Variants in RTN1 observed in about 807,000 individuals in gnomAD.
RTN1 encodes reticulon-1.
Under a neutral mutation model 65.5 loss-of-function variants are expected in RTN1, and 25 were observed. The observed-to-expected ratio is 0.38, with a 90% confidence interval of 0.28 to 0.53. The LOEUF (loss-of-function observed/expected upper bound fraction) is 0.53. Ranked by LOEUF, RTN1 falls within the 20% of genes least tolerant of loss-of-function variation. The probability of loss-of-function intolerance (pLI) is 0.79; values close to 1 mark genes in which losing one functional copy is unlikely to be tolerated. For synonymous variants in RTN1, 471 were observed against 447.6 expected, an observed-to-expected ratio of 1.05 and a Z score of -0.66; for missense variants, 983 against 1,025.4, an observed-to-expected ratio of 0.96 and a Z score of 0.57.
At chr14:59,622,752 C>G (rs1469224978) in intron 3 of RTN1, among the ~76,000 whole-genome samples, 1 of 152,182 alleles carries the variant, frequency 6.6e-6, no homozygotes, top group Non-Finnish European at 1.5e-5. Context: ...ATCTTCTAGT[C>G]ATGAGTTTCA....
At chr14:59,799,120 C>T (rs1886491962) in intron 1 of RTN1, among the ~76,000 whole-genome samples, 1 of 152,132 alleles carries the variant, frequency 6.6e-6, no homozygotes, top group South Asian at 2.1e-4. Context: ...TGATTCGCTA[C>T]ATGCAAGTTA....
intron 3 of RTN1, among the ~76,000 whole-genome samples, chr14:59,700,632 T>C (rs1023110289): frequency 1.3e-5 from 2 of 152,166 alleles, no homozygotes; most frequent in African/African-American, 4.8e-5. Flanking sequence ...AAGAACAGCC[T>C]TTTTAACAAA....
chr14:59,729,372 C>T (rs902455931), intron 2 of RTN1, among the ~76,000 whole-genome samples: 7 of 129,896 alleles, frequency 5.4e-5, no homozygotes, highest in Non-Finnish European at 9.9e-5. Context: ...AGGATATGAT[C>T]TATGGGTTCC....
chr14:59,675,567 ATAT>A (rs1222043951), intron 3 of RTN1, among the ~76,000 whole-genome samples: 1 of 131,380 alleles, frequency 7.6e-6, no homozygotes, highest in Non-Finnish European at 1.6e-5. Flanking sequence ...TTTAATAATA[ATAT>A]ATTTTATAAT....
At chr14:59,693,700 G>A (rs184135098) in intron 3 of RTN1, among the ~76,000 whole-genome samples, 2 of 152,070 alleles carry the variant, frequency 1.3e-5, no homozygotes, top group African/African-American at 4.8e-5. Context: ...GTTCCTTCCT[G>A]GTTTTTACTT....
At chr14:59,736,805 A>G (rs896972565) in intron 2 of RTN1, among the ~76,000 whole-genome samples, 1 of 152,262 alleles carries the variant, frequency 6.6e-6, no homozygotes, top group African/African-American at 2.4e-5. Flanking sequence ...TGAATCCAGC[A>G]GCACATCAAA....
chr14:59,722,324 T>C (rs1884664511), intron 3 of RTN1, among the ~76,000 whole-genome samples: 1 of 152,226 alleles, frequency 6.6e-6, no homozygotes, highest in African/African-American at 2.4e-5. Flanking sequence ...AGAGGATTTC[T>C]TCAAAGCAAG....
chr14:59,771,740 AG>A, intron 1 of RTN1, among the ~76,000 whole-genome samples: 1 of 152,348 alleles, frequency 6.6e-6, no homozygotes, highest in East Asian at 1.9e-4. Flanking sequence ...AAATCCTCAC[AG>A]AAGTGCTTCA....
intron 3 of RTN1, among the ~76,000 whole-genome samples, chr14:59,639,107 G>A (rs548155669): frequency 2.6e-5 from 4 of 152,302 alleles, no homozygotes; most frequent in Non-Finnish European, 4.4e-5. Flanking sequence ...ATAAAGAGAC[G>A]TGAGAAGAGG....
chr14:59,860,766 C>T (rs2086354120), intron 1 of RTN1, among the ~76,000 whole-genome samples: 1 of 152,158 alleles, frequency 6.6e-6, no homozygotes. Flanking sequence ...GAACCCACCT[C>T]CTGCATCAGT....
chr14:59,664,878 C>T (rs1480492079), intron 3 of RTN1, among the ~76,000 whole-genome samples: 4 of 152,136 alleles, frequency 2.6e-5, no homozygotes. Context: ...TACTGAGTCA[C>T]AGGATAATTA....
Position 59,727,136 on chromosome 14 carries a change from C to G in RTN1, c.1548G>C (p.Leu516=). The change falls in exon 3 of 9, where the codon CTG becomes CTC. Residue 516 remains leucine (L), a synonymous_variant. Transcript: ENST00000267484. The surrounding 1 kb of genome is among the most constrained non-coding windows in gnomAD (Gnocchi z 4.2). ...AGTCGAGGAAGGAACCCGGCTCGGC[C>G]AGGCCCCGCCGGCTTGGCGCACGCT... ...AEERAPSRRG[L]AEPGSFLDYP... 6.2e-7 allele frequency: 1 copy of G among 1,603,692 alleles called. No homozygotes were observed. Among genetic ancestry groups the G allele is most frequent in the Non-Finnish European group, 8.5e-7 (1 of 1,175,184 alleles).
rs1194527799 is a variant in RTN1, at chr14:59,862,440, TA to T, written c.241+7949del. Among the ~76,000 whole-genome samples, 5 of 152,292 alleles carry T rather than the reference TA, an allele frequency of 3.3e-5. No homozygotes were observed. In the East Asian group the frequency reaches 7.7e-4, roughly 23 times the overall value. ...GTTTTCCACTGCTTCTCAGTAATAG[TA>T]CCCCTCCTACTATCTACCTCAAACA... On this transcript the variant is annotated intron_variant, in intron 1 of 8. Transcript: ENST00000267484.
intron 3 of RTN1, among the ~76,000 whole-genome samples, chr14:59,666,029 C>A (rs555566792): frequency 3.1e-4 from 47 of 152,126 alleles, no homozygotes; most frequent in Non-Finnish European, 2.2e-4. Flanking sequence ...TTAGACAGAT[C>A]AACCAGACAG....
intron 1 of RTN1, 86 bp from the exon 2 acceptor site, chr14:59,746,567 G>T (rs2139510101): frequency 8.7e-7 from 1 of 1,149,874 alleles, no homozygotes; most frequent in East Asian, 2.4e-5. Flanking sequence ...CCCCTGCCTG[G>T]TGAAGACATG....
intron 3 of RTN1, among the ~76,000 whole-genome samples, chr14:59,616,088 A>G (rs914570610): frequency 2.0e-5 from 3 of 152,166 alleles, no homozygotes; most frequent in Non-Finnish European, 4.4e-5. Flanking sequence ...TCCAAAAATA[A>G]CATTTGGCTT....
chr14:59,748,839 G>A (rs1885286156), intron 1 of RTN1, among the ~76,000 whole-genome samples: 1 of 151,838 alleles, frequency 6.6e-6, no homozygotes, highest in Non-Finnish European at 1.5e-5. Flanking sequence ...GCCCAGGCTG[G>A]AGTGCAGTGG....
intron 3 of RTN1, among the ~76,000 whole-genome samples, chr14:59,656,235 G>A (rs976154389): frequency 1.3e-5 from 2 of 151,632 alleles, no homozygotes; most frequent in Admixed American, 1.3e-4. Flanking sequence ...AGAAATGACT[G>A]CTAATGGTTA....
At position 59,727,684 on chromosome 14, in the gene RTN1, GC is replaced by G; in HGVS notation, c.1016-17del. On this transcript the variant is annotated splice_polypyrimidine_tract_variant and intron_variant, in intron 2 of 8. Coordinates refer to ENST00000267484, the MANE Select transcript of RTN1 (RefSeq NM_021136.3). The surrounding 1 kb of genome is among the most constrained non-coding windows in gnomAD (Gnocchi z 4.2). The stretch of plus-strand genomic sequence containing the variant: ...GCAGATGGTTCTGTCGTCCCACAGA[GC>G]GAAGGAGAGCCACGGAGGCACACAC... 6.4e-7 allele frequency: 1 copy of G among 1,572,384 alleles called. No individual in the cohort carries two copies. Among genetic ancestry groups the G allele is most frequent in the African/African-American group, 1.4e-5 (1 of 73,818 alleles).
Sources: gnomAD v4.1 joint callset for allele counts (sites outside exome capture counted in the v4.1 genomes callset) on GRCh38, gnomAD v4.1.1 for gene constraint, Gnocchi (gnomAD v3.1) non-coding constraint, MANE v1.5 for transcripts, NCBI Gene and HGNC (gene_info 2026-07-23, HGNC 2026-07-21) for gene names.